Variants in NTAQ1 observed in about 807,000 individuals in gnomAD.
NTAQ1 encodes the protein protein N-terminal glutamine amidohydrolase.
Under a neutral mutation model 28.2 loss-of-function variants are expected in NTAQ1, and 21 were observed. The ratio of observed to expected loss-of-function variants is 0.74; its 90% CI spans 0.53 to 1.07. The LOEUF (loss-of-function observed/expected upper bound fraction) is 1.07. NTAQ1 is among the 50% of genes least tolerant of loss of function. The probability of loss-of-function intolerance (pLI) is 0.00; values close to 1 mark genes in which losing one functional copy is unlikely to be tolerated. For synonymous variants in NTAQ1, 105 were observed against 90.0 expected (o/e 1.17, Z -0.94); for missense variants, 264 against 256.6 (o/e 1.03, Z -0.20).
intron 6 of NTAQ1, among the ~76,000 whole-genome samples, chr8:123,453,715 C>T (rs182036764): frequency 9.9e-5 from 15 of 152,208 alleles, no homozygotes; most frequent in Admixed American, 4.6e-4. Context: ...TGTGAGTCAT[C>T]GTGCCTGGCC....
chr8:123,438,289 G>T, intron 5 of NTAQ1: 2 of 664,272 alleles, frequency 3.0e-6, no homozygotes, highest in South Asian at 1.6e-5. Context: ...CCCAACACCT[G>T]GATAATACAG....
downstream of NTAQ1, among the ~76,000 whole-genome samples, chr8:123,452,586 C>T (rs990108953): frequency 6.7e-6 from 1 of 149,816 alleles, no homozygotes; most frequent in Non-Finnish European, 1.5e-5. Context: ...GACAGCAAGA[C>T]TCGGTCTCCA....
chr8:123,473,045 G>A (rs1816057512), downstream of NTAQ1, among the ~76,000 whole-genome samples: 1 of 152,172 alleles, frequency 6.6e-6, no homozygotes, highest in African/African-American at 2.4e-5. Context: ...AAGGTGTTCA[G>A]TGGAAGGTCT....
chr8:123,473,056 C>G (rs1361966151), downstream of NTAQ1, among the ~76,000 whole-genome samples: 1 of 152,108 alleles, frequency 6.6e-6, no homozygotes, highest in Non-Finnish European at 1.5e-5. Flanking sequence ...TGGAAGGTCT[C>G]TCAATCTCCT....
intron 5 of NTAQ1, among the ~76,000 whole-genome samples, chr8:123,437,599 A>T (rs1330836288): frequency 2.0e-5 from 3 of 151,736 alleles, no homozygotes; most frequent in Non-Finnish European, 4.4e-5. Flanking sequence ...GCTACTAGGG[A>T]GGCTGAGGCA....
intron 5 of NTAQ1, among the ~76,000 whole-genome samples, chr8:123,439,503 C>T (rs1228842088): frequency 2.0e-5 from 3 of 151,896 alleles, no homozygotes; most frequent in East Asian, 1.9e-4. Flanking sequence ...CCACCACACC[C>T]GGCTAATTTT....
chr8:123,439,406 G>A (rs1369437236), intron 5 of NTAQ1, among the ~76,000 whole-genome samples: 2 of 150,440 alleles, frequency 1.3e-5, no homozygotes, highest in African/African-American at 2.4e-5. Flanking sequence ...GCAGTGGTGC[G>A]ATGTCAGCTC....
chr8:123,456,325 G>A lies in NTAQ1; in HGVS notation c.373-10754G>A, dbSNP rs561785623. Reference sequence around the variant, plus strand: ...TTTTGAGACAGAGTCTTGCTCTGTCGCTCAGGCTGGTGTGCACGATCTTGG... The same window carrying A: ...TTTTGAGACAGAGTCTTGCTCTGTCACTCAGGCTGGTGTGCACGATCTTGG... On this transcript the variant is annotated intron_variant, in intron 6 of 6. Transcript: ENST00000650311. Among the ~76,000 whole-genome samples, 12 of 152,198 alleles carry A rather than the reference G, an allele frequency of 7.9e-5. No homozygotes were observed. In the South Asian group the frequency reaches 8.3e-4, roughly 11 times the overall value.
intron 1 of NTAQ1, among the ~76,000 whole-genome samples, chr8:123,420,448 G>C (rs1010871149): frequency 6.6e-6 from 1 of 152,086 alleles, no homozygotes; most frequent in Non-Finnish European, 1.5e-5. Flanking sequence ...GGGATTGCTA[G>C]GTCGCATCAT....
At chr8:123,423,904 T>TTTTTAATTTTAATTTTA (rs1263907851) in intron 1 of NTAQ1, among the ~76,000 whole-genome samples, 21 of 151,668 alleles carry the variant, frequency 1.4e-4, no homozygotes, top group Non-Finnish European at 2.5e-4. Flanking sequence ...AATTTTTAGA[T>TTTTTAATTTTAATTTTA]GGAGTCTTGC....
chr8:123,442,455 G>A (rs1815112318), downstream of NTAQ1, among the ~76,000 whole-genome samples: 2 of 151,706 alleles, frequency 1.3e-5, no homozygotes, highest in Admixed American at 1.3e-4. Flanking sequence ...AAAATTAGCT[G>A]GGTGTGGTGG....
downstream of NTAQ1, among the ~76,000 whole-genome samples, chr8:123,473,232 A>G (rs974814819): frequency 6.6e-6 from 1 of 152,186 alleles, no homozygotes; most frequent in Non-Finnish European, 1.5e-5. Flanking sequence ...TTTTGTAGAA[A>G]ATCATTTAGA....
At chr8:123,436,720 G>GTA in intron 4 of NTAQ1, 119 bp downstream of exon 4, 1 of 1,083,222 alleles carries the variant, frequency 9.2e-7, no homozygotes, top group South Asian at 1.7e-5. Flanking sequence ...TCACCATTGA[G>GTA]TTGATGTTTA....
intron 3 of NTAQ1, among the ~76,000 whole-genome samples, chr8:123,436,169 C>CAAA (rs34240319): frequency 1.6e-4 from 14 of 85,908 alleles, no homozygotes; most frequent in South Asian, 8.3e-4. Flanking sequence ...GACTCCATCT[C>CAAA]AAAAAAAAAA....
At chr8:123,417,147 T>A (rs1813348287) in intron 1 of NTAQ1, among the ~76,000 whole-genome samples, 1 of 152,168 alleles carries the variant, frequency 6.6e-6, no homozygotes. Flanking sequence ...TCCGGAATCA[T>A]AGGGTCGATA....
At position 123,436,464 on chromosome 8, in the gene NTAQ1, T is replaced by G. The variant is rs751561784; in HGVS notation, c.246T>G (p.Val82=). 1.9e-6 allele frequency: 3 copies of G among 1,612,146 alleles called. No individual in the cohort carries two copies. The highest frequency in any genetic ancestry group is 2.5e-6 in the Non-Finnish European group (3 of 1,179,428). Residue 82 remains valine, a synonymous_variant, in exon 4 of 6, where the codon GTT becomes GTG. Coordinates refer to ENST00000287387, the MANE Select transcript of NTAQ1 (RefSeq NM_018024.3). ...ACTTTTACTTTTAGGATTACCATGT[T>G]GTTTTGCTTCATGTTTCAAGTGGAG... ...GDGPVIWDYH[V]VLLHVSSGGQ...
At chr8:123,440,156 T>G (rs1008438573) in intron 5 of NTAQ1, among the ~76,000 whole-genome samples, 44 of 130,008 alleles carry the variant, frequency 3.4e-4, no homozygotes, top group Non-Finnish European at 5.4e-4. Flanking sequence ...CTTTTTTTTT[T>G]TTTTTTTTTT....
chr8:123,458,401 G>A (rs1815717747), intron 6 of NTAQ1, among the ~76,000 whole-genome samples: 1 of 151,948 alleles, frequency 6.6e-6, no homozygotes, highest in South Asian at 2.1e-4. Flanking sequence ...CCTTTGATTG[G>A]GCTGCTGTGA....
intron 6 of NTAQ1, among the ~76,000 whole-genome samples, chr8:123,455,306 G>A (rs1397633660): frequency 3.3e-5 from 5 of 152,076 alleles, no homozygotes; most frequent in African/African-American, 4.8e-5. Flanking sequence ...GGGCACTGTC[G>A]GTGACTTGCA....
Sources: allele counts gnomAD v4.1 joint callset (sites outside exome capture counted in the v4.1 genomes callset), GRCh38; gene constraint gnomAD v4.1.1; transcripts MANE v1.5; gene names NCBI Gene and HGNC (gene_info 2026-07-23, HGNC 2026-07-21).